FOXP2: variants seen among roughly 807,000 people sequenced by gnomAD.
FOXP2 encodes forkhead box protein P2.
A neutral mutation model predicts 115.8 loss-of-function variants in FOXP2; 12 were observed. The observed-to-expected ratio is 0.10, with a 90% confidence interval of 0.07 to 0.17. The LOEUF (loss-of-function observed/expected upper bound fraction) is 0.17, where lower values mean the gene tolerates loss of function less well. Among genes scored for constraint, FOXP2 ranks in the 10% least tolerant of loss-of-function variants. The pLI, the probability that FOXP2 is intolerant of heterozygous loss-of-function variation, is 1.00. For synonymous variants in FOXP2, 328 were observed against 297.7 expected, an observed-to-expected ratio of 1.10 and a Z score of -1.05; for missense variants, 629 against 843.5, an observed-to-expected ratio of 0.75 and a Z score of 3.15.
chr7:114,409,215 A>G (rs886689015), intron 2 of FOXP2, among the ~76,000 whole-genome samples: 1 of 152,144 alleles, frequency 6.6e-6, no homozygotes, highest in East Asian at 1.9e-4. Flanking sequence ...CTTGTTTAAT[A>G]TATTAAAATT....
intron 1 of FOXP2, among the ~76,000 whole-genome samples, chr7:114,146,566 G>A (rs1372079234): frequency 6.6e-6 from 1 of 152,142 alleles, no homozygotes; most frequent in Non-Finnish European, 1.5e-5. Context: ...TTGCTTTAGG[G>A]CATGTCATTC....
intron 1 of FOXP2, among the ~76,000 whole-genome samples, chr7:114,198,231 T>A (rs1249840864): frequency 6.6e-6 from 1 of 152,146 alleles, no homozygotes; most frequent in Non-Finnish European, 1.5e-5. Flanking sequence ...ATCTAAGCAG[T>A]GAGCCATGTG....
chr7:114,679,516 C>A (rs1329914474), intron 16 of FOXP2, among the ~76,000 whole-genome samples: 1 of 152,122 alleles, frequency 6.6e-6, no homozygotes, highest in Non-Finnish European at 1.5e-5. Context: ...CATCAATAGC[C>A]TTTGAGCAGA....
chr7:114,125,777 G>A (rs1359344024), intron 1 of FOXP2, among the ~76,000 whole-genome samples: 1 of 152,054 alleles, frequency 6.6e-6, no homozygotes, highest in African/African-American at 2.4e-5. Context: ...TCAGTAGAGG[G>A]ATTCCCTCTC....
At position 114,575,651 on chromosome 7, in the gene FOXP2, A is replaced by T. The variant is rs530244262; in HGVS notation, c.258+40945A>T. ...CTGGCAGCCAAGAAGAATCATAGCTAAAATACGTAAGGAAAAGTGATTGTC... is the reference window on the plus strand; with the variant it reads ...CTGGCAGCCAAGAAGAATCATAGCTTAAATACGTAAGGAAAAGTGATTGTC... On this transcript the variant is annotated intron_variant, in intron 3 of 16. Coordinates refer to ENST00000350908, the MANE Select transcript of FOXP2 (RefSeq NM_014491.4). 1.4e-4 allele frequency among the ~76,000 whole-genome samples: 22 copies of T among 152,012 alleles called. No homozygotes were observed. The East Asian group carries it at 1.5e-3, about 11-fold the overall frequency.
rs1316625197 is a variant in FOXP2 at position 114,185,851 on chromosome 7, A to G, written c.-102+22763A>G. 3.3e-5 allele frequency among the ~76,000 whole-genome samples: 5 copies of G among 152,316 alleles called. No individual in the cohort carries two copies. The Middle Eastern group carries it at 0.01, about 311-fold the overall frequency. ...CTAAGGAGGAAATAGGTGTTTTAGT[A>G]TTTACCACTAACTGGGTAATTTATA... On this transcript the variant is annotated intron_variant, in intron 1 of 17. Transcript: ENST00000634411.
chr7:114,296,208 C>T (rs1796738044), intron 2 of FOXP2, among the ~76,000 whole-genome samples: 1 of 152,112 alleles, frequency 6.6e-6, no homozygotes, highest in East Asian at 1.9e-4. Context: ...TGGGTTCTCT[C>T]CAAGAGAGTA....
intron 6 of FOXP2, among the ~76,000 whole-genome samples, chr7:114,639,322 T>C (rs2129331528): frequency 6.6e-6 from 1 of 152,250 alleles, no homozygotes; most frequent in East Asian, 1.9e-4. Flanking sequence ...CTTCAAGAAA[T>C]GTATGACTCT....
At chr7:114,588,802 T>G (rs1802286313) in intron 3 of FOXP2, among the ~76,000 whole-genome samples, 1 of 152,216 alleles carries the variant, frequency 6.6e-6, no homozygotes, top group African/African-American at 2.4e-5. Flanking sequence ...CAATGTCTTC[T>G]TCCTGCCAAC....
At chr7:114,344,551 A>T (rs1412930888) in intron 2 of FOXP2, among the ~76,000 whole-genome samples, 1 of 151,868 alleles carries the variant, frequency 6.6e-6, no homozygotes, top group Non-Finnish European at 1.5e-5. Context: ...GTTTAGTGCC[A>T]GGTGGCATGC....
chr7:114,444,399 C>CACCACAAGTGATTTCCACA (rs1189983126), intron 2 of FOXP2, among the ~76,000 whole-genome samples: 5 of 152,124 alleles, frequency 3.3e-5, no homozygotes, highest in African/African-American at 9.7e-5. Context: ...TTCTTGAAAT[C>CACCACAAGTGATTTCCACA]ACCACAAGTG....
At chr7:114,461,984 T>A (rs758645721) in intron 2 of FOXP2, among the ~76,000 whole-genome samples, 3 of 152,032 alleles carry the variant, frequency 2.0e-5, no homozygotes, top group Non-Finnish European at 2.9e-5. Context: ...AGAATTGTCT[T>A]AAAAGAACAA....
chr7:114,508,029 G>A (rs954548042), intron 2 of FOXP2, among the ~76,000 whole-genome samples: 1 of 151,856 alleles, frequency 6.6e-6, no homozygotes, highest in East Asian at 1.9e-4. Flanking sequence ...ACTGTCCTAG[G>A]TGATAGAAAT....
chr7:114,098,428 G>A (rs1177088057), intron 1 of FOXP2, among the ~76,000 whole-genome samples: 1 of 152,078 alleles, frequency 6.6e-6, no homozygotes, highest in Non-Finnish European at 1.5e-5. Flanking sequence ...AAATCCAAAT[G>A]GTCAACTAAT....
At chr7:114,148,154 T>C (rs1393784664) in intron 1 of FOXP2, among the ~76,000 whole-genome samples, 1 of 152,196 alleles carries the variant, frequency 6.6e-6, no homozygotes, top group Non-Finnish European at 1.5e-5. Context: ...ATCTTTTAAG[T>C]AATTGTGTGA....
intron 3 of FOXP2, among the ~76,000 whole-genome samples, chr7:114,607,440 A>G (rs1230256780): frequency 6.6e-6 from 1 of 152,220 alleles, no homozygotes; most frequent in Non-Finnish European, 1.5e-5. Flanking sequence ...TTTGTAAAAC[A>G]GAAAGAGACC....
intron 3 of FOXP2, among the ~76,000 whole-genome samples, chr7:114,571,665 C>G (rs1172241860): frequency 6.6e-6 from 1 of 151,690 alleles, no homozygotes; most frequent in Admixed American, 6.6e-5. Flanking sequence ...TCATTATTCC[C>G]CAAAGAAAAC....
At chr7:114,142,510 A>T (rs1792245778) in intron 1 of FOXP2, among the ~76,000 whole-genome samples, 1 of 152,196 alleles carries the variant, frequency 6.6e-6, no homozygotes, top group Non-Finnish European at 1.5e-5. Context: ...ATTCAGGAAC[A>T]TTTAGAATAA....
At chr7:114,665,993 A>G (rs1195498454) in intron 16 of FOXP2, 5 of 152,028 alleles carry the variant, frequency 3.3e-5, no homozygotes, top group Non-Finnish European at 5.9e-5. Flanking sequence ...TCGTTTGGCA[A>G]TTGCTACTTC....
Sources: gnomAD v4.1 joint callset for allele counts (sites outside exome capture counted in the v4.1 genomes callset) on GRCh38, gnomAD v4.1.1 for gene constraint, MANE v1.5 for transcripts, NCBI Gene and HGNC (gene_info 2026-07-23, HGNC 2026-07-21) for gene names.